USP29: variants seen among roughly 807,000 people sequenced by gnomAD.
USP29 encodes the protein ubiquitin carboxyl-terminal hydrolase 29.
For missense variants in USP29, 1,102 were observed against 1,069.0 expected, an observed-to-expected ratio of 1.03 and a Z score of -0.43; for synonymous variants, 386 against 387.4, an observed-to-expected ratio of 1.00 and a Z score of 0.04.
Position 57,130,938 on chromosome 19 carries a change from G to A in USP29, c.2263G>A (p.Val755Ile). ...TCTTCAGCAGGCACCACCTCCAGGT[G>A]TTAGGAAGCTGGATGCCCAGGAACA... ...EFLQQAPPPGVRKLDAQEHTE... is the reference protein window; with the variant it reads ...EFLQQAPPPGIRKLDAQEHTE... Residue 755 changes from valine (V) to isoleucine (I), a missense_variant, in exon 4 of 4, where the codon GTT becomes ATT. Val to Ile is a conservative substitution (Grantham distance 29, BLOSUM62 3). Transcript: ENST00000254181. 6.2e-7 allele frequency: 1 copy of A among 1,614,182 alleles called. No individual in the cohort carries two copies. The highest frequency in any genetic ancestry group is 8.5e-7 in the Non-Finnish European group (1 of 1,180,036).
intron 3 of USP29, among the ~76,000 whole-genome samples, chr19:57,126,915 G>A (rs2086827098): frequency 6.6e-6 from 1 of 152,116 alleles, no homozygotes; most frequent in Non-Finnish European, 1.5e-5. Context: ...TGATCTTTGA[G>A]GCTGTTGATC....
In USP29 at chr19:57,130,293, T is replaced by G. The variant is rs761811018; in HGVS notation, c.1618T>G (p.Tyr540Asp). The G allele has an allele frequency of 6.2e-7, 1 of 1,614,132 alleles. No individual in the cohort carries two copies. The highest frequency in any genetic ancestry group is 8.5e-7 in the Non-Finnish European group (1 of 1,180,026). Residue 540 changes from tyrosine to aspartate, a missense_variant, in exon 4 of 4, where the codon TAT becomes GAT. Tyr to Asp is a radical substitution (Grantham distance 160). Coordinates refer to ENST00000254181, the MANE Select transcript of USP29 (RefSeq NM_020903.3). ...TCCCAAATCTTTAAGTTTATCTTCT[T>G]ATTGCAATGAAAGCACCAAACCACC... ...YIPKSLSLSSYCNESTKPPLP... is the reference protein window; with the variant it reads ...YIPKSLSLSSDCNESTKPPLP...
At position 57,129,729 on chromosome 19, in the gene USP29, G is replaced by A. The variant is rs1228505463; in HGVS notation, c.1054G>A (p.Gly352Arg). Residue 352 changes from glycine to arginine, a missense_variant, in exon 4 of 4, where the codon GGG (glycine) becomes AGG (arginine). By Grantham distance (125) the Gly-to-Arg change is moderately radical. Transcript: ENST00000254181. ...TACAAAGATCAAGAGAGAATTACTT[G>A]GGAATGTTAAAAAAGTCATTTCAGC... ...CSTKIKRELLGNVKKVISAVA... is the reference protein window; with the variant it reads ...CSTKIKRELLRNVKKVISAVA... The A allele has an allele frequency of 6.2e-7, 1 of 1,613,722 alleles. No homozygotes were observed. The highest frequency in any genetic ancestry group is 1.1e-5 in the South Asian group (1 of 90,948).
Position 57,129,243 on chromosome 19 carries a change from G to C in USP29, c.568G>C (p.Val190Leu), listed in dbSNP as rs1599917888. The C allele has an allele frequency of 6.2e-7, 1 of 1,613,056 alleles. No homozygotes were observed. Among genetic ancestry groups the C allele is most frequent in the Non-Finnish European group, 8.5e-7 (1 of 1,179,766 alleles). ...NEDILKEDNP[V>L]PNKKYKTDSL... is the part of the protein sequence containing the mutation. ...GGACATTCTGAAGGAAGATAACCCT[G>C]TACCAAACAAGAAATATAAGACAGA... Residue 190 changes from valine to leucine, a missense_variant, in exon 4 of 4, where the codon GTA becomes CTA. Val to Leu is a conservative substitution (Grantham distance 32). Transcript: ENST00000254181.
At chr19:57,126,974 G>A (rs999193854) in intron 3 of USP29, among the ~76,000 whole-genome samples, 8 of 152,120 alleles carry the variant, frequency 5.3e-5, no homozygotes, top group African/African-American at 1.9e-4. Flanking sequence ...TGTTGATGTT[G>A]TTGCTTTCTG....
In USP29 at chr19:57,129,267, G is replaced by A. The variant is rs1286104298; in HGVS notation, c.592G>A (p.Asp198Asn). ...TGTACCAAACAAGAAATATAAGACAGATTCCTTGAAATATATACAAAGCAA... is the reference window on the plus strand; with the variant it reads ...TGTACCAAACAAGAAATATAAGACAAATTCCTTGAAATATATACAAAGCAA... ...NPVPNKKYKT[D>N]SLKYIQSNRK... Residue 198 changes from aspartate (D) to asparagine (N), a missense_variant, in exon 4 of 4, where the codon GAT becomes AAT. By Grantham distance (23) the Asp-to-Asn change is conservative. Transcript: ENST00000254181. The A allele has an allele frequency of 2.5e-6, 4 of 1,613,160 alleles. No homozygotes were observed. In the African/African-American group the frequency reaches 5.3e-5, roughly 22 times the overall value.
At chr19:57,120,965 G>A (rs1356017173) in intron 1 of USP29, among the ~76,000 whole-genome samples, 2 of 150,936 alleles carry the variant, frequency 1.3e-5, no homozygotes, top group African/African-American at 2.4e-5. Context: ...CGTGGTGGCG[G>A]GCTCCTGTAA....
rs750216432 is a variant in USP29, at chr19:57,130,838, C to T, written c.2163C>T (p.Asn721=). The change falls in exon 4 of 4, where the codon AAC becomes AAT. Residue 721 remains asparagine (N), a synonymous_variant. Transcript: ENST00000254181. The part of the protein sequence containing the change: ...STNGFYDCKE[N]RIPEGSQGMA... The stretch of plus-strand genomic sequence containing the variant: ...ATGGCTTTTATGACTGTAAAGAAAA[C>T]AGGATTCCAGAAGGATCTCAAGGAA... The T allele has an allele frequency of 1.2e-6, 2 of 1,614,158 alleles. No homozygotes were observed. Among genetic ancestry groups the T allele is most frequent in the Non-Finnish European group, 1.7e-6 (2 of 1,180,036 alleles).
Position 57,128,860 on chromosome 19 carries a change from T to C in USP29, c.185T>C (p.Leu62Pro). The part of the protein sequence containing the change: ...QLSNNIRSVV[L>P]RHCKKRQSHL... ...AGCAACAACATTAGAAGTGTGGTCC[T>C]TAGACATTGTAAAAAAAGACAAAGT... Residue 62 changes from leucine (L) to proline (P), a missense_variant, in exon 4 of 4, where the codon CTT (leucine) becomes CCT (proline). Transcript: ENST00000254181. The C allele has an allele frequency of 6.2e-7, 1 of 1,613,398 alleles. No homozygotes were observed. The highest frequency in any genetic ancestry group is 8.5e-7 in the Non-Finnish European group (1 of 1,179,844).
chr19:57,130,638 G>T lies in USP29; in HGVS notation c.1963G>T (p.Gly655Ter). The part of the protein sequence containing the change: ...LPVADSLMDQ[G>*]DISLPVMYED... ...AGTGGCTGACTCACTGATGGACCAGGGAGACATTTCTCTTCCTGTGATGTA... is the reference window on the plus strand; with the variant it reads ...AGTGGCTGACTCACTGATGGACCAGTGAGACATTTCTCTTCCTGTGATGTA... The change falls in exon 4 of 4, where the codon GGA (glycine) becomes TGA (stop). Residue 655 changes from glycine to a stop codon, truncating the protein, a stop_gained. Transcript: ENST00000254181. LOFTEE classifies it low-confidence loss of function (END_TRUNC). 1 of 1,614,176 alleles carries T rather than the reference G, an allele frequency of 6.2e-7. No homozygotes were observed. Among genetic ancestry groups the T allele is most frequent in the Non-Finnish European group, 8.5e-7 (1 of 1,180,038 alleles).
chr19:57,126,799 T>C (rs1339552889), intron 3 of USP29, among the ~76,000 whole-genome samples: 6 of 152,154 alleles, frequency 3.9e-5, no homozygotes, highest in Admixed American at 3.3e-4. Context: ...TTTTGTGTCC[T>C]TGCTGAACAG....
chr19:57,129,676 A>G lies in USP29; in HGVS notation c.1001A>G (p.Gln334Arg), dbSNP rs745746886. The stretch of plus-strand genomic sequence containing the variant: ...GAGGCTCTTATTATGACCTTGACCC[A>G]GCTGCTTGCTTTGAAAGATTTCTGT... The part of the protein sequence containing the change: ...PFEALIMTLT[Q>R]LLALKDFCST... Residue 334 changes from glutamine to arginine, a missense_variant, in exon 4 of 4, where the codon CAG becomes CGG. Transcript: ENST00000254181. The G allele has an allele frequency of 1.2e-6, 2 of 1,614,032 alleles. No individual in the cohort carries two copies. The highest frequency in any genetic ancestry group is 1.7e-5 in the Admixed American group (1 of 59,996).
Position 57,130,139 on chromosome 19 carries a change from G to A in USP29, c.1464G>A (p.Met488Ile), listed in dbSNP as rs1451151780. 6.2e-7 allele frequency: 1 copy of A among 1,613,878 alleles called. No homozygotes were observed. Among genetic ancestry groups the A allele is most frequent in the Non-Finnish European group, 8.5e-7 (1 of 1,180,020 alleles). ...AAGAGCTTGAATATAACTGTCAGAT[G>A]TGTAAGCAGAAGAGTTGTGTTGCAA... ...KEEELEYNCQMCKQKSCVARH... is the reference protein window; with the variant it reads ...KEEELEYNCQICKQKSCVARH... The change falls in exon 4 of 4, where the codon ATG becomes ATA. Residue 488 changes from methionine to isoleucine, a missense_variant. Physicochemically the swap from Met to Ile is conservative, Grantham distance 10 (BLOSUM62 1). Coordinates refer to ENST00000254181, the MANE Select transcript of USP29 (RefSeq NM_020903.3).
chr19:57,121,167 C>T (rs987824103), intron 1 of USP29, among the ~76,000 whole-genome samples: 1 of 151,020 alleles, frequency 6.6e-6, no homozygotes, highest in South Asian at 2.1e-4. Context: ...AAGTACTACA[C>T]TTTGGTCAAA....
Position 57,129,517 on chromosome 19 carries a change from A to G in USP29, c.842A>G (p.Gln281Arg). The change falls in exon 4 of 4, where the codon CAG (glutamine) becomes CGG (arginine). Residue 281 changes from glutamine to arginine, a missense_variant. Transcript: ENST00000254181. ...CAGGTGCCTCTTGACTCTCATTCAC[A>G]GCAACTGCAGCAGGGGTTCCCCAAT... ...KAQVPLDSHS[Q>R]QLQQGFPNLG... 6.2e-7 allele frequency: 1 copy of G among 1,614,224 alleles called. No homozygotes were observed. Among genetic ancestry groups the G allele is most frequent in the South Asian group, 1.1e-5 (1 of 91,088 alleles).
intron 2 of USP29, among the ~76,000 whole-genome samples, chr19:57,123,738 G>A (rs1324966755): frequency 6.6e-6 from 1 of 152,186 alleles, no homozygotes; most frequent in Non-Finnish European, 1.5e-5. Flanking sequence ...AACAAATGTT[G>A]TTAGAAGGTC....
intron 2 of USP29, among the ~76,000 whole-genome samples, chr19:57,123,019 T>C (rs1206219089): frequency 6.6e-6 from 1 of 152,196 alleles, no homozygotes; most frequent in Non-Finnish European, 1.5e-5. Flanking sequence ...GATTTTCTGC[T>C]TCCCACATGG....
At chr19:57,120,506 G>T (rs1273136045) in intron 1 of USP29, among the ~76,000 whole-genome samples, 1 of 147,960 alleles carries the variant, frequency 6.8e-6, no homozygotes, top group Non-Finnish European at 1.5e-5. Context: ...AAGAAAAAAG[G>T]GCTGGGTCGG....
At chr19:57,123,716 G>A (rs16987751) in intron 2 of USP29, among the ~76,000 whole-genome samples, 3,712 of 152,192 alleles carry the variant, frequency 0.024, 135 homozygotes, top group African/African-American at 0.083. Flanking sequence ...TAAAGTATAA[G>A]GTTTCTCAAA....
Sources: allele counts gnomAD v4.1 joint callset (sites outside exome capture counted in the v4.1 genomes callset), GRCh38; gene constraint gnomAD v4.1.1; transcripts MANE v1.5; gene names NCBI Gene and HGNC (gene_info 2026-07-23, HGNC 2026-07-21).